Variants in PCDHA4 observed in about 807,000 individuals in gnomAD.
The protein encoded by PCDHA4 is protocadherin alpha-4.
In PCDHA4, 49 loss-of-function variants were observed where a neutral mutation model predicts 61.4. That is an observed-to-expected ratio of 0.80 (90% CI 0.63 to 1.01). The LOEUF is 1.01. Ranked by LOEUF, PCDHA4 falls within the 50% of genes least tolerant of loss-of-function variation. The pLI, the probability that PCDHA4 is intolerant of heterozygous loss-of-function variation, is 0.00. For missense variants in PCDHA4, 1,254 were observed against 1,235.8 expected (o/e 1.01, Z -0.22); for synonymous variants, 590 against 550.3 (o/e 1.07, Z -1.01).
chr5:141,000,395 C>CTCTATAAATA (rs1213762225), intron 3 of PCDHA4, among the ~76,000 whole-genome samples: 2 of 53,986 alleles, frequency 3.7e-5, no homozygotes, highest in African/African-American at 1.5e-4. Flanking sequence ...CTCTCTCTCT[C>CTCTATAAATA]TATATATATA....
chr5:140,836,669 G>T (rs142732506), intron 1 of PCDHA4: 1 of 1,613,470 alleles, frequency 6.2e-7, no homozygotes, highest in African/African-American at 1.3e-5. Context: ...GCTCTGGGGA[G>T]GGCCCACCCA....
At chr5:140,877,864 A>ATATT in intron 1 of PCDHA4, 1 of 1,500,280 alleles carries the variant, frequency 6.7e-7, no homozygotes, top group East Asian at 2.4e-5. Flanking sequence ...TTATTTAGAT[A>ATATT]TATTTGTTTC....
chr5:140,861,259 G>A (rs1180244061), intron 1 of PCDHA4: 2 of 166,330 alleles, frequency 1.2e-5, no homozygotes, highest in Non-Finnish European at 2.6e-5. Flanking sequence ...AGGAATCCCG[G>A]AGCCTACAGC....
At chr5:140,902,540 C>T (rs2069538388) in intron 1 of PCDHA4, among the ~76,000 whole-genome samples, 1 of 151,900 alleles carries the variant, frequency 6.6e-6, no homozygotes, top group South Asian at 2.1e-4. Context: ...GAGGTATGTT[C>T]CTTCTATACC....
At chr5:140,843,312 C>T (rs2150357141) in intron 1 of PCDHA4, 1 of 1,596,048 alleles carries the variant, frequency 6.3e-7, no homozygotes, top group Non-Finnish European at 8.6e-7. Context: ...GCCACGGCCA[C>T]GGTTCTGGTG....
chr5:140,920,632 T>C (rs1054888668), intron 1 of PCDHA4, among the ~76,000 whole-genome samples: 2 of 152,018 alleles, frequency 1.3e-5, no homozygotes, highest in Non-Finnish European at 2.9e-5. Context: ...GATCACAAGG[T>C]CAAGAGATTG....
chr5:140,859,141 A>T (rs1275943443), intron 1 of PCDHA4: 1 of 150,200 alleles, frequency 6.7e-6, no homozygotes, highest in African/African-American at 2.4e-5. Context: ...ACATAATTTT[A>T]TCCAGTAGCT....
In PCDHA4 at chr5:140,858,544, T is replaced by C. The variant is rs782004922; in HGVS notation, c.2385+48972T>C. ...ATATTTCATTTTTGTCTACATTCCA[T>C]TTATGCTTGAATATTTCTAGTGATA... On this transcript the variant is annotated intron_variant, in intron 1 of 3. Transcript: ENST00000530339. 5 of 1,398,226 alleles carry C rather than the reference T, an allele frequency of 3.6e-6. No homozygotes were observed. The South Asian group carries it at 5.0e-5, about 14-fold the overall frequency. 86.6% of individuals were successfully genotyped at this position (1,398,226 alleles called of 1,614,324 possible). A position where few individuals can be genotyped will look rare whatever the true frequency, so the allele number is the denominator to read the frequency against.
chr5:140,884,486 G>T, intron 1 of PCDHA4: 1 of 1,614,030 alleles, frequency 6.2e-7, no homozygotes, highest in Non-Finnish European at 8.5e-7. Flanking sequence ...GCCCACTCTA[G>T]TGTGCTCCAG....
In PCDHA4 at chr5:140,808,535, G is replaced by C; in HGVS notation, c.1348G>C (p.Asp450His). The change falls in exon 1 of 4, where the codon GAC becomes CAC. Residue 450 changes from aspartate to histidine, a missense_variant. Physicochemically the swap from Asp to His is moderately conservative, Grantham distance 81. Coordinates refer to ENST00000530339, the MANE Select transcript of PCDHA4 (RefSeq NM_018907.4). ...SVSVEVADVNDNAPAFAQPEY... is the reference protein window; with the variant it reads ...SVSVEVADVNHNAPAFAQPEY... ...TTCTGTGGAGGTGGCTGATGTGAACGACAACGCTCCGGCGTTCGCGCAGCC... is the reference window on the plus strand; with the variant it reads ...TTCTGTGGAGGTGGCTGATGTGAACCACAACGCTCCGGCGTTCGCGCAGCC... 2.5e-6 allele frequency: 4 copies of C among 1,614,180 alleles called. No individual in the cohort carries two copies. Among genetic ancestry groups the C allele is most frequent in the Non-Finnish European group, 1.7e-6 (2 of 1,180,046 alleles).
At chr5:140,816,115 TC>T (rs1388791863) in intron 1 of PCDHA4, 2 of 152,216 alleles carry the variant, frequency 1.3e-5, no homozygotes, top group Non-Finnish European at 2.9e-5. Context: ...TATGGCTTCT[TC>T]TTTTGAAACT....
At chr5:140,850,365 G>C in intron 1 of PCDHA4, 1 of 1,597,962 alleles carries the variant, frequency 6.3e-7, no homozygotes, top group Middle Eastern at 1.7e-4. Flanking sequence ...CCCGTTCCGC[G>C]TGGGGCTGTA....
chr5:140,870,195 C>T, intron 1 of PCDHA4: 1 of 1,614,178 alleles, frequency 6.2e-7, no homozygotes, highest in Non-Finnish European at 8.5e-7. Flanking sequence ...ACGCTCAGCC[C>T]AGCACGGTCA....
intron 1 of PCDHA4, chr5:140,850,154 G>C (rs2150469964): frequency 6.3e-7 from 1 of 1,595,410 alleles, no homozygotes; most frequent in Non-Finnish European, 8.6e-7. Flanking sequence ...CGCTGCAGGT[G>C]TTCGTGCTGG....
At position 140,809,158 on chromosome 5, in the gene PCDHA4, C is replaced by G. The variant is rs782790826; in HGVS notation, c.1971C>G (p.Pro657=). ...LLVLVKDHGE[P]ALTATATVLV... ...TACTGGTGAAGGACCACGGCGAGCC[C>G]GCGCTGACGGCCACGGCCACTGTGC... is the stretch of plus-strand genomic sequence containing the variant. The change falls in exon 1 of 4, where the codon CCC becomes CCG. Residue 657 remains proline (P), a synonymous_variant. Transcript: ENST00000530339. The G allele has an allele frequency of 3.1e-6, 5 of 1,613,830 alleles. No individual in the cohort carries two copies. The highest frequency in any genetic ancestry group is 2.2e-5 in the East Asian group (1 of 44,886).
intron 3 of PCDHA4, among the ~76,000 whole-genome samples, chr5:141,001,903 A>G (rs2098043091): frequency 6.6e-6 from 1 of 152,190 alleles, no homozygotes; most frequent in African/African-American, 2.4e-5. Flanking sequence ...GGGCTGTTTG[A>G]AAAAGACTGC....
chr5:140,924,900 AAAAAAT>A (rs2082118159), intron 1 of PCDHA4, among the ~76,000 whole-genome samples: 2 of 63,328 alleles, frequency 3.2e-5, no homozygotes, highest in African/African-American at 5.4e-5. Flanking sequence ...GTCTCAAAAA[AAAAAAT>A]AAAATAAAAT....
chr5:140,927,564 G>A (rs868927450), intron 1 of PCDHA4: 1 of 1,614,150 alleles, frequency 6.2e-7, no homozygotes, highest in South Asian at 1.1e-5. Context: ...TCATTGTGGT[G>A]GACACAAATG....
chr5:140,859,587 C>T, intron 1 of PCDHA4: 1 of 166,890 alleles, frequency 6.0e-6, no homozygotes, highest in Non-Finnish European at 1.3e-5. Context: ...TTGCCTATGG[C>T]TCTTAGCAAT....
Sources: gnomAD v4.1 joint callset for allele counts (sites outside exome capture counted in the v4.1 genomes callset) on GRCh38, gnomAD v4.1.1 for gene constraint, MANE v1.5 for transcripts, NCBI Gene and HGNC (gene_info 2026-07-23, HGNC 2026-07-21) for gene names.